The following ST7 variants were observed in gnomAD, a reference collection of about 807,000 sequenced individuals.
The protein encoded by ST7 is suppression of tumorigenicity 7.
Under a neutral mutation model 78.7 loss-of-function variants are expected in ST7, and 28 were observed. That is an observed-to-expected ratio of 0.36 (90% confidence interval 0.26 to 0.49). The LOEUF (loss-of-function observed/expected upper bound fraction) is 0.49. Ranked by LOEUF, ST7 falls within the 20% of genes least tolerant of loss-of-function variation. The probability of loss-of-function intolerance (pLI) is 0.99; values close to 1 mark genes in which losing one functional copy is unlikely to be tolerated. For missense variants in ST7, 418 were observed against 696.0 expected, an observed-to-expected ratio of 0.60 and a Z score of 4.49; for synonymous variants, 247 against 249.6, an observed-to-expected ratio of 0.99 and a Z score of 0.10.
chr7:116,993,044 G>T (rs1794497634), intron 1 of ST7, among the ~76,000 whole-genome samples: 1 of 152,116 alleles, frequency 6.6e-6, no homozygotes, highest in African/African-American at 2.4e-5. Flanking sequence ...AGCATTTTGG[G>T]CAAAGCCACT....
At position 117,205,536 on chromosome 7, in the gene ST7, T is replaced by G. The variant is rs148306486; in HGVS notation, c.1255-4251T>G. 4.1e-3 allele frequency among the ~76,000 whole-genome samples: 631 copies of G among 152,336 alleles called. 8 individuals are homozygous for G. The highest frequency in any genetic ancestry group is 0.014 in the African/African-American group (599 of 41,580). ...ATGATAACTATGGGATCATTTTCAT[T>G]CAAATTATGATAGAATTTTAAGATC... On this transcript the variant is annotated intron_variant, in intron 12 of 15. Transcript: ENST00000323984.
intron 1 of ST7, chr7:116,972,923 A>G (rs1041119956): frequency 1.4e-5 from 18 of 1,308,258 alleles, no homozygotes; most frequent in Non-Finnish European, 2.0e-5. Flanking sequence ...GTGCCCACTC[A>G]GCTACTGCTC....
chr7:117,094,720 G>A (rs1016807949), intron 1 of ST7, among the ~76,000 whole-genome samples: 1 of 152,200 alleles, frequency 6.6e-6, no homozygotes, highest in African/African-American at 2.4e-5. Flanking sequence ...CAACACTGTT[G>A]TTGGTCTCAT....
At chr7:117,196,338 A>G (rs1372062590) in intron 12 of ST7, among the ~76,000 whole-genome samples, 2 of 152,050 alleles carry the variant, frequency 1.3e-5, no homozygotes, top group African/African-American at 4.8e-5. Flanking sequence ...ATTTTTTGAG[A>G]AACTTCCAAA....
intron 3 of ST7, among the ~76,000 whole-genome samples, chr7:117,129,470 G>T (rs1449069475): frequency 1.3e-5 from 2 of 151,832 alleles, no homozygotes; most frequent in Non-Finnish European, 2.9e-5. Flanking sequence ...TTATCTATAA[G>T]GTTTTAGAAG....
At chr7:116,983,739 C>T (rs962985517) in intron 1 of ST7, among the ~76,000 whole-genome samples, 4 of 152,142 alleles carry the variant, frequency 2.6e-5, no homozygotes, top group East Asian at 1.9e-4. Flanking sequence ...ATACCTACCT[C>T]GCTTGGCCCC....
At chr7:117,159,669 T>A (rs1806975133) in intron 9 of ST7, among the ~76,000 whole-genome samples, 1 of 152,198 alleles carries the variant, frequency 6.6e-6, no homozygotes, top group South Asian at 2.1e-4. Flanking sequence ...ATTTATTTGG[T>A]ACATTATTTT....
chr7:117,071,143 C>T (rs1039348610), intron 1 of ST7, among the ~76,000 whole-genome samples: 7 of 152,090 alleles, frequency 4.6e-5, no homozygotes, highest in African/African-American at 1.7e-4. Flanking sequence ...GGCGTGAACC[C>T]GGGAGGCGGA....
At chr7:117,007,471 T>G (rs904025592) in intron 1 of ST7, among the ~76,000 whole-genome samples, 3 of 152,166 alleles carry the variant, frequency 2.0e-5, no homozygotes, top group African/African-American at 7.2e-5. Context: ...TTATTTGGTT[T>G]AGTGAAAGAA....
At chr7:117,092,486 T>G (rs901261152) in intron 1 of ST7, among the ~76,000 whole-genome samples, 3 of 152,122 alleles carry the variant, frequency 2.0e-5, no homozygotes, top group Non-Finnish European at 4.4e-5. Context: ...AACTAAGCCA[T>G]TAGAGCTTCC....
intron 2 of ST7, among the ~76,000 whole-genome samples, chr7:117,109,136 T>C (rs1384937254): frequency 1.3e-5 from 2 of 152,206 alleles, no homozygotes; most frequent in Non-Finnish European, 2.9e-5. Context: ...TCCAGTACTA[T>C]GTTGAATAGA....
chr7:117,115,714 C>T (rs1802829226), intron 2 of ST7, among the ~76,000 whole-genome samples: 2 of 151,712 alleles, frequency 1.3e-5, no homozygotes, highest in South Asian at 4.2e-4. Flanking sequence ...AATTTGTACT[C>T]TTTCCCACCA....
intron 1 of ST7, among the ~76,000 whole-genome samples, chr7:116,996,993 G>T (rs1300585905): frequency 1.3e-5 from 2 of 152,174 alleles, no homozygotes; most frequent in African/African-American, 4.8e-5. Context: ...TGGGTTCTTG[G>T]TCTCGCTGAC....
At position 116,972,673 on chromosome 7, in the gene ST7, G is replaced by T. The variant is rs74217565; in HGVS notation, c.151+18982G>T. ...CTCACTCTCATCAGCAGTTTTTTCC[G>T]CTTCTTCCAGCTTTTGCAGGGCAGT... On this transcript the variant is annotated intron_variant, in intron 1 of 15. Transcript: ENST00000323984. 5 of 1,050,760 alleles carry T rather than the reference G, an allele frequency of 4.8e-6. No homozygotes were observed. In the Admixed American group the frequency reaches 8.6e-5, roughly 18 times the overall value. The allele number at this position is 1,050,760 out of a possible 1,614,324, so 65.1% of individuals were successfully genotyped here.
intron 12 of ST7, among the ~76,000 whole-genome samples, chr7:117,191,257 G>A (rs1367576448): frequency 1.3e-5 from 2 of 152,026 alleles, no homozygotes; most frequent in Admixed American, 6.5e-5. Flanking sequence ...ACCAGTTATG[G>A]TCTCACATAG....
chr7:116,980,832 A>C (rs1476559078), intron 1 of ST7, among the ~76,000 whole-genome samples: 1 of 152,256 alleles, frequency 6.6e-6, no homozygotes, highest in Non-Finnish European at 1.5e-5. Flanking sequence ...TCAAAATAAG[A>C]AATTAATTAG....
chr7:116,978,288 A>C (rs1369339672), intron 1 of ST7, among the ~76,000 whole-genome samples: 1 of 152,228 alleles, frequency 6.6e-6, no homozygotes, highest in Non-Finnish European at 1.5e-5. Flanking sequence ...GTTTTCTGAT[A>C]TCCCCCGATT....
chr7:117,064,088 TG>T (rs1400745616), intron 1 of ST7, among the ~76,000 whole-genome samples: 1 of 152,196 alleles, frequency 6.6e-6, no homozygotes, highest in African/African-American at 2.4e-5. Flanking sequence ...TTATTACCTT[TG>T]GTTTTTTTAA....
At chr7:117,211,523 G>A (rs1459445481) in intron 13 of ST7, among the ~76,000 whole-genome samples, 1 of 152,120 alleles carries the variant, frequency 6.6e-6, no homozygotes, top group Non-Finnish European at 1.5e-5. Flanking sequence ...AAATTAAATG[G>A]ACAAGTTGGC....
Sources: allele counts gnomAD v4.1 joint callset (sites outside exome capture counted in the v4.1 genomes callset), GRCh38; gene constraint gnomAD v4.1.1; transcripts MANE v1.5; gene names NCBI Gene and HGNC (gene_info 2026-07-23, HGNC 2026-07-21).